The following CFAP69 variants were observed in gnomAD, a reference collection of about 807,000 sequenced individuals.
CFAP69 encodes cilia- and flagella-associated protein 69.
A neutral mutation model predicts 123.0 loss-of-function variants in CFAP69; 92 were observed. The observed-to-expected ratio is 0.75, with a 90% CI of 0.63 to 0.89. The LOEUF (loss-of-function observed/expected upper bound fraction) is 0.89. Ranked by LOEUF, CFAP69 falls within the 40% of genes least tolerant of loss-of-function variation. The pLI is 0.00. For synonymous variants in CFAP69, 380 were observed against 364.3 expected (o/e 1.04, Z -0.49); for missense variants, 1,067 against 1,096.9 (o/e 0.97, Z 0.39).
At chr7:90,255,372 C>T in intron 1 of CFAP69, 51 bp from the exon 2 acceptor site, 1 of 1,425,776 alleles carries the variant, frequency 7.0e-7, no homozygotes. Flanking sequence ...TTAGATATGA[C>T]TTATTGATAT....
At chr7:90,272,939 C>A (rs902719332) in intron 8 of CFAP69, among the ~76,000 whole-genome samples, 6 of 152,052 alleles carry the variant, frequency 3.9e-5, no homozygotes, top group African/African-American at 1.4e-4. Flanking sequence ...CTCTGACTGG[C>A]GAAAAGGCAG....
At chr7:90,303,251 T>C (rs1223100619) in intron 17 of CFAP69, 1 of 152,036 alleles carries the variant, frequency 6.6e-6, no homozygotes, top group Admixed American at 6.6e-5. Flanking sequence ...TACAGACTCA[T>C]GTCATCTGCA....
intron 5 of CFAP69, among the ~76,000 whole-genome samples, chr7:90,267,468 A>G (rs1268940888): frequency 6.6e-6 from 1 of 152,168 alleles, no homozygotes; most frequent in Non-Finnish European, 1.5e-5. Flanking sequence ...CCCACAGATC[A>G]TTTTCAGATA....
intron 5 of CFAP69, among the ~76,000 whole-genome samples, chr7:90,266,603 A>C (rs1799199146): frequency 6.6e-6 from 1 of 152,094 alleles, no homozygotes; most frequent in Admixed American, 6.6e-5. Flanking sequence ...ACTGAGTGTC[A>C]ACTTATTCTT....
chr7:90,250,343 C>A (rs895333171), intron 1 of CFAP69, among the ~76,000 whole-genome samples: 1 of 152,100 alleles, frequency 6.6e-6, no homozygotes, highest in African/African-American at 2.4e-5. Context: ...AGCTACGTGG[C>A]TTTAACAAGT....
rs527341432 is a variant in CFAP69, at chr7:90,245,399, C to A, written c.-26C>A. The A allele has an allele frequency of 1.3e-6, 2 of 1,526,856 alleles. No homozygotes were observed. Among genetic ancestry groups the A allele is most frequent in the Non-Finnish European group, 1.8e-6 (2 of 1,139,016 alleles). 94.6% of individuals were successfully genotyped at this position (1,526,856 alleles called of 1,614,324 possible). On this transcript the variant is annotated 5_prime_UTR_variant, in exon 1 of 23. Coordinates refer to ENST00000389297, the MANE Select transcript of CFAP69 (RefSeq NM_001039706.3). ...GCACTGTAGGACAGGAAGATCCCCC[C>A]ACTCTCCACCCCGCCGCCACCGGCC... is the stretch of plus-strand genomic sequence containing the variant.
intron 12 of CFAP69, among the ~76,000 whole-genome samples, chr7:90,281,158 C>A (rs549419535): frequency 9.3e-4 from 142 of 152,262 alleles, no homozygotes; most frequent in Middle Eastern, 6.8e-3. Flanking sequence ...CTCTTATTAT[C>A]CCTTTGTATC....
intron 3 of CFAP69, among the ~76,000 whole-genome samples, chr7:90,261,073 G>A (rs550962718): frequency 6.8e-6 from 1 of 148,036 alleles, no homozygotes; most frequent in Non-Finnish European, 1.5e-5. Flanking sequence ...GTGTTTATGT[G>A]CCAATAGGAT....
chr7:90,303,414 T>C (rs758030054), intron 17 of CFAP69: 6 of 263,962 alleles, frequency 2.3e-5, no homozygotes, highest in Non-Finnish European at 2.9e-5. Context: ...CTTCCAGCTT[T>C]TCTCCATTCC....
intron 15 of CFAP69, among the ~76,000 whole-genome samples, chr7:90,295,417 C>A (rs146511298): frequency 6.6e-6 from 1 of 152,196 alleles, no homozygotes; most frequent in Non-Finnish European, 1.5e-5. Flanking sequence ...GCCGAGTACC[C>A]AACCACTCAC....
Position 90,304,033 on chromosome 7 carries a change from C to G in CFAP69, c.2115C>G (p.Asn705Lys). ...EEQKIIPLPANCPSIAVMDVS... is the reference protein window; with the variant it reads ...EEQKIIPLPAKCPSIAVMDVS... ...AAAAAATCATCCCACTGCCTGCTAA[C>G]TGCCCATCTATTGCGGTTATGGATG... Residue 705 changes from asparagine (N) to lysine (K), a missense_variant, in exon 18 of 23, where the codon AAC becomes AAG. Transcript: ENST00000389297. 2 of 1,551,258 alleles carry G rather than the reference C, an allele frequency of 1.3e-6. No individual in the cohort carries two copies. Among genetic ancestry groups the G allele is most frequent in the Non-Finnish European group, 1.7e-6 (2 of 1,146,710 alleles).
intron 11 of CFAP69, among the ~76,000 whole-genome samples, chr7:90,278,288 G>A (rs76094557): frequency 8.6e-4 from 131 of 152,102 alleles, no homozygotes; most frequent in Non-Finnish European, 1.4e-3. Flanking sequence ...CTTCAACATG[G>A]GGATAACACC....
rs78582344 is a variant in CFAP69, at chr7:90,298,982, A to G, written c.1858-885A>G. Among the ~76,000 whole-genome samples, 1,485 of 152,242 alleles carry G rather than the reference A, an allele frequency of 9.8e-3. 22 individuals carry two copies. Among genetic ancestry groups the G allele is most frequent in the African/African-American group, 0.033 (1,372 of 41,562 alleles). On this transcript the variant is annotated intron_variant, in intron 16 of 22. Transcript: ENST00000389297. ...GCTTAATACAACTCTGCTGAAATAT[A>G]AAGTATGTAATGATAACTGCTAATA...
intron 5 of CFAP69, 96 bp downstream of exon 5, chr7:90,265,473 T>A (rs1050397884): frequency 2.7e-6 from 2 of 745,546 alleles, no homozygotes; most frequent in Non-Finnish European, 4.6e-6. Context: ...CTAAGAGGAC[T>A]CCTTCTCCAT....
chr7:90,276,962 A>G (rs1263843414), intron 9 of CFAP69, 111 bp from the exon 10 acceptor site: 6 of 733,322 alleles, frequency 8.2e-6, no homozygotes, highest in Non-Finnish European at 1.2e-5. Context: ...ATTCAAATGA[A>G]TGACAGTAGG....
chr7:90,309,826 T>C (rs1386996932), intron 22 of CFAP69, among the ~76,000 whole-genome samples: 1 of 152,168 alleles, frequency 6.6e-6, no homozygotes. Flanking sequence ...ATCCCAAGTG[T>C]TCCTGGTATC....
intron 11 of CFAP69, among the ~76,000 whole-genome samples, chr7:90,278,997 CAT>C (rs2117024487): frequency 6.6e-6 from 1 of 152,136 alleles, no homozygotes; most frequent in African/African-American, 2.4e-5. Context: ...TCTTGTGAAT[CAT>C]AAATATGTAT....
chr7:90,257,178 G>T (rs1027447580), intron 2 of CFAP69, among the ~76,000 whole-genome samples: 1 of 152,124 alleles, frequency 6.6e-6, no homozygotes, highest in South Asian at 2.1e-4. Context: ...TACCCATGTG[G>T]TACATGACGT....
chr7:90,277,287 C>G lies in CFAP69; in HGVS notation c.1108C>G (p.Leu370Val). ...SYEDFELKKL[L>V]FNVIVILCKD... ...TGAAGATTTTGAGTTGAAGAAATTA[C>G]TATTCAACGTAATTGTGATCTTATG... The change falls in exon 11 of 23, where the codon CTA becomes GTA. Residue 370 changes from leucine (L) to valine (V), a missense_variant. Physicochemically the swap from Leu to Val is conservative, Grantham distance 32. Transcript: ENST00000389297. The G allele has an allele frequency of 6.3e-7, 1 of 1,590,882 alleles. No homozygotes were observed. The highest frequency in any genetic ancestry group is 1.1e-5 in the South Asian group (1 of 87,402).
Sources: allele counts gnomAD v4.1 joint callset (sites outside exome capture counted in the v4.1 genomes callset), GRCh38; gene constraint gnomAD v4.1.1; transcripts MANE v1.5; gene names NCBI Gene and HGNC (gene_info 2026-07-23, HGNC 2026-07-21).